The following FAT3 variants were observed in gnomAD, a reference collection of about 807,000 sequenced individuals.
FAT3 encodes the protein FAT atypical cadherin 3, also known as protocadherin Fat 3.
In FAT3, 95 loss-of-function variants were observed where a neutral mutation model predicts 310.2. The ratio of observed to expected loss-of-function variants is 0.31; its 90% CI spans 0.26 to 0.36. The LOEUF is 0.36. Among genes scored for constraint, FAT3 ranks in the 10% least tolerant of loss-of-function variants. The pLI, the probability that FAT3 is intolerant of heterozygous loss-of-function variation, is 1.00. For missense variants in FAT3, 5,408 were observed against 5,715.6 expected (o/e 0.95, Z 1.74); for synonymous variants, 2,314 against 2,192.9 (o/e 1.06, Z -1.54).
At chr11:92,744,810 C>T (rs1184114840) in intron 4 of FAT3, among the ~76,000 whole-genome samples, 1 of 152,138 alleles carries the variant, frequency 6.6e-6, no homozygotes, top group Non-Finnish European at 1.5e-5. Flanking sequence ...TCTGGGCCAC[C>T]AGTTCATGAT....
intron 3 of FAT3, among the ~76,000 whole-genome samples, chr11:92,580,550 G>A (rs935824199): frequency 3.3e-5 from 5 of 152,060 alleles, no homozygotes; most frequent in African/African-American, 1.2e-4. Flanking sequence ...TTGGTTCTCT[G>A]TCTTATCTTT....
At chr11:92,560,345 C>T (rs949440303) in intron 3 of FAT3, among the ~76,000 whole-genome samples, 2 of 151,908 alleles carry the variant, frequency 1.3e-5, no homozygotes, top group African/African-American at 4.8e-5. Flanking sequence ...GATAGAAGAC[C>T]CGTGTCAGAT....
At chr11:92,746,304 C>T (rs1016975059) in intron 4 of FAT3, among the ~76,000 whole-genome samples, 1 of 152,262 alleles carries the variant, frequency 6.6e-6, no homozygotes, top group Admixed American at 6.5e-5. Flanking sequence ...GGAGCAAAGC[C>T]ATGTCTTACA....
chr11:92,761,970 A>G lies in FAT3; in HGVS notation c.3784A>G (p.Lys1262Glu). The G allele has an allele frequency of 6.2e-7, 1 of 1,614,020 alleles. No homozygotes were observed. The highest frequency in any genetic ancestry group is 8.5e-7 in the Non-Finnish European group (1 of 1,179,882). The change falls in exon 5 of 28, where the codon AAG (lysine) becomes GAG (glutamate). Residue 1262 changes from lysine to glutamate, a missense_variant. This residue lies in a region of FAT3 where 4,588 missense variants were observed against 4,809.8 expected (regional missense o/e 0.95). Coordinates refer to ENST00000525166, the MANE Select transcript of FAT3 (RefSeq NM_001367949.2). The stretch of plus-strand genomic sequence containing the variant: ...GTTCCCAGAGAAGGTCTACCAGATC[A>G]AGCTGCCAGAACGTGACCGAAAGAA... ...PQFPEKVYQI[K>E]LPERDRKKRG...
At chr11:92,548,490 A>C (rs942061621) in intron 3 of FAT3, among the ~76,000 whole-genome samples, 2 of 152,236 alleles carry the variant, frequency 1.3e-5, no homozygotes, top group Admixed American at 6.5e-5. Context: ...AGCAGCAAAG[A>C]AAGGAAATTC....
At position 92,790,200 on chromosome 11, in the gene FAT3, G is replaced by C. The variant is rs945555619; in HGVS notation, c.4593G>C (p.Lys1531Asn). 1 of 1,613,614 alleles carries C rather than the reference G, an allele frequency of 6.2e-7. No homozygotes were observed. Among genetic ancestry groups the C allele is most frequent in the African/African-American group, 1.3e-5 (1 of 75,016 alleles). ...GGCTGGACCATGAGGCCCAGGACAAGCACATTCTCAACATAATGGTAGGAC... is the reference window on the plus strand; with the variant it reads ...GGCTGGACCATGAGGCCCAGGACAACCACATTCTCAACATAATGGTAGGAC... Reference protein sequence around the residue: ...AERLDHEAQDKHILNIMVRDQ... With the variant: ...AERLDHEAQDNHILNIMVRDQ... The change falls in exon 8 of 28, where the codon AAG becomes AAC. Residue 1531 changes from lysine (K) to asparagine (N), a missense_variant. This residue lies in a region of FAT3 where 4,588 missense variants were observed against 4,809.8 expected (regional missense o/e 0.95). Coordinates refer to ENST00000525166, the MANE Select transcript of FAT3 (RefSeq NM_001367949.2).
At chr11:92,497,252 G>A (rs1211486330) in intron 2 of FAT3, among the ~76,000 whole-genome samples, 1 of 151,902 alleles carries the variant, frequency 6.6e-6, no homozygotes, top group Non-Finnish European at 1.5e-5. Flanking sequence ...CTGCTGCCTG[G>A]CACTCACATT....
chr11:92,412,910 G>A (rs946392145), intron 2 of FAT3, among the ~76,000 whole-genome samples: 1 of 151,326 alleles, frequency 6.6e-6, no homozygotes, highest in African/African-American at 2.4e-5. Context: ...GAGTGGTATG[G>A]TTATTAGAAC....
Position 92,688,046 on chromosome 11 carries a change from T to A in FAT3, c.3608-9338T>A, listed in dbSNP as rs569359831. 8.9e-3 allele frequency among the ~76,000 whole-genome samples: 1,321 copies of A among 148,880 alleles called. 21 individuals are homozygous for A. Among genetic ancestry groups the A allele is most frequent in the South Asian group, 0.06 (279 of 4,674 alleles). On this transcript the variant is annotated intron_variant, in intron 3 of 27. Transcript: ENST00000525166. Reference sequence around the variant, plus strand: ...CATCTCTACCAAAAAAAAAAAAAAATTTTTTTAACTAGCTGGGGATGATGG... The same window carrying A: ...CATCTCTACCAAAAAAAAAAAAAAAATTTTTTAACTAGCTGGGGATGATGG...
intron 2 of FAT3, among the ~76,000 whole-genome samples, chr11:92,472,465 T>C (rs993822563): frequency 1.8e-4 from 28 of 152,132 alleles, no homozygotes; most frequent in African/African-American, 6.8e-4. Flanking sequence ...ATTTTGAGAA[T>C]ACAGACAAGA....
chr11:92,512,642 A>G (rs998158292), intron 2 of FAT3, among the ~76,000 whole-genome samples: 1 of 148,000 alleles, frequency 6.8e-6, no homozygotes, highest in African/African-American at 2.5e-5. Flanking sequence ...AAATATATAT[A>G]TATCTTGATT....
intron 2 of FAT3, among the ~76,000 whole-genome samples, chr11:92,469,969 C>A (rs1951865567): frequency 3.3e-5 from 5 of 152,174 alleles, no homozygotes. Flanking sequence ...AACATATTAT[C>A]CAATCATGCT....
intron 2 of FAT3, among the ~76,000 whole-genome samples, chr11:92,429,447 A>T (rs1031762295): frequency 1.1e-4 from 16 of 152,050 alleles, no homozygotes; most frequent in African/African-American, 3.9e-4. Flanking sequence ...TATTTTGCCC[A>T]TTAGTTGATG....
intron 3 of FAT3, among the ~76,000 whole-genome samples, chr11:92,598,228 A>ATTTTTT (rs202033909): frequency 4.6e-5 from 6 of 129,132 alleles, no homozygotes; most frequent in African/African-American, 1.9e-4. Flanking sequence ...ATATATATAT[A>ATTTTTT]TATTTTTTTT....
At chr11:92,559,427 C>A in intron 3 of FAT3, 1 of 243,654 alleles carries the variant, frequency 4.1e-6, no homozygotes, top group South Asian at 4.4e-5. Flanking sequence ...CTCTGTTGCC[C>A]AGGCTGGAAT....
chr11:92,827,123 T>C (rs1212993875), intron 13 of FAT3, among the ~76,000 whole-genome samples: 2 of 152,178 alleles, frequency 1.3e-5, no homozygotes, highest in Non-Finnish European at 2.9e-5. Flanking sequence ...ATCCTCTCAC[T>C]GGGGGTTATT....
rs76540233 is a variant in FAT3, at chr11:92,543,728, G to A, written c.3607+18780G>A. 1.5e-4 allele frequency among the ~76,000 whole-genome samples: 23 copies of A among 152,232 alleles called. 1 individual carries two copies. The East Asian group carries it at 4.4e-3, about 29-fold the overall frequency. ...AAGTAAGCTAAATTCAACACTCTCC[G>A]ACCTTTAATGAGTTGATGATATTGT... On this transcript the variant is annotated intron_variant, in intron 3 of 27. Transcript: ENST00000525166.
chr11:92,830,694 G>C (rs1294965049), intron 13 of FAT3, among the ~76,000 whole-genome samples: 1 of 152,002 alleles, frequency 6.6e-6, no homozygotes, highest in African/African-American at 2.4e-5. Context: ...TAGGGCTTCT[G>C]CATTCAAAAC....
At chr11:92,420,944 G>A (rs1293053306) in intron 2 of FAT3, among the ~76,000 whole-genome samples, 1 of 151,930 alleles carries the variant, frequency 6.6e-6, no homozygotes, top group Non-Finnish European at 1.5e-5. Context: ...TTCTATGAAT[G>A]GTATTTTTAG....
Sources: allele counts gnomAD v4.1 joint callset (sites outside exome capture counted in the v4.1 genomes callset), GRCh38; gene constraint gnomAD v4.1.1; regional missense constraint gnomAD v4.1.1; transcripts MANE v1.5; gene names NCBI Gene and HGNC (gene_info 2026-07-23, HGNC 2026-07-21).